ARMCX4: variants seen among roughly 807,000 people sequenced by gnomAD.
The protein encoded by ARMCX4 is armadillo repeat-containing X-linked protein 4.
ARMCX4 carries 3 observed loss-of-function variants against 34.7 expected under a neutral mutation model. The observed-to-expected ratio is 0.09, with a 90% CI of 0.04 to 0.22. The LOEUF (loss-of-function observed/expected upper bound fraction) is 0.22, where lower values mean the gene tolerates loss of function less well. Among genes scored for constraint, ARMCX4 ranks in the 10% least tolerant of loss-of-function variants. The probability of loss-of-function intolerance (pLI) is 1.00; values close to 1 mark genes in which losing one functional copy is unlikely to be tolerated. For missense variants in ARMCX4, 1,448 were observed against 1,720.8 expected, an observed-to-expected ratio of 0.84 and a Z score of 2.81; for synonymous variants, 513 against 632.8, an observed-to-expected ratio of 0.81 and a Z score of 2.84.
downstream of ARMCX4, among the ~76,000 whole-genome samples, chrX:101,500,207 T>G (rs782681410): frequency 9.0e-6 from 1 of 110,994 alleles, no homozygotes; most frequent in South Asian, 3.9e-4. Flanking sequence ...CTGGCCTAGG[T>G]AGGGTTCACA....
At chrX:101,499,699 T>C (rs1333045813), downstream of ARMCX4, among the ~76,000 whole-genome samples, 2 of 112,009 alleles carry the variant, frequency 1.8e-5, no homozygotes, top group Non-Finnish European at 3.8e-5. Context: ...TGGGGAGGCC[T>C]GACCTGCAGA....
chrX:101,509,944 T>TTA (rs1934539258), intron 10 of ARMCX4, among the ~76,000 whole-genome samples: 1 of 111,837 alleles, frequency 8.9e-6, no homozygotes, highest in Non-Finnish European at 1.9e-5. Context: ...CAGTTCTTTT[T>TTA]TATATATTTA....
chrX:101,487,800 C>T, intron 4 of ARMCX4, 109 bp downstream of exon 4: 1 of 336,757 alleles, frequency 3.0e-6, no homozygotes, highest in South Asian at 3.3e-5. Context: ...TCCTCAGTCT[C>T]TCCTTTTCCA....
chrX:101,493,010 C>T lies in ARMCX4; in HGVS notation c.4421C>T (p.Ser1474Phe), dbSNP rs1934043157. 1 of 1,154,495 alleles carries T rather than the reference C, an allele frequency of 8.7e-7. No homozygotes were observed. Among genetic ancestry groups the T allele is most frequent in the East Asian group, 3.3e-5 (1 of 30,680 alleles). Residue 1474 changes from serine (S) to phenylalanine (F), a missense_variant, in exon 6 of 6, where the codon TCC becomes TTC. Physicochemically the swap from Ser to Phe is radical, Grantham distance 155. This residue lies in a region of ARMCX4 where 1,343 missense variants were observed against 1,540.7 expected (regional missense o/e 0.87). Coordinates refer to ENST00000423738, the MANE Select transcript of ARMCX4 (RefSeq NM_001256155.3). Reference sequence around the variant, plus strand: ...GAGGATCAGGTCAGTGGCAGAGGGTCCTGGGCTGATGCCAGGGAGCAGGTT... The same window carrying T: ...GAGGATCAGGTCAGTGGCAGAGGGTTCTGGGCTGATGCCAGGGAGCAGGTT... ...IFEDQVSGRG[S>F]WADAREQVVG...
intron 2 of ARMCX4, among the ~76,000 whole-genome samples, chrX:101,422,577 T>C (rs1371375554): frequency 1.8e-5 from 2 of 111,147 alleles, no homozygotes; most frequent in African/African-American, 6.6e-5. Context: ...CAGGAGCAAT[T>C]TGGGGAGGTT....
At chrX:101,421,031 G>A (rs1054684501) in intron 2 of ARMCX4, among the ~76,000 whole-genome samples, 9 of 109,442 alleles carry the variant, frequency 8.2e-5, no homozygotes, top group East Asian at 2.8e-4. Flanking sequence ...GTGAAACCCC[G>A]TCTCTACTAA....
At position 101,526,377 on chromosome X, in the gene ARMCX4, A is replaced by T. The variant is rs376495112; in HGVS notation, c.*1781-5267A>T. Among the ~76,000 whole-genome samples, 12 of 112,035 alleles carry T rather than the reference A, an allele frequency of 1.1e-4. No individual in the cohort carries two copies. In the Admixed American group the frequency reaches 1.1e-3, roughly 11 times the overall value. On this transcript the variant is annotated intron_variant and NMD_transcript_variant, in intron 11 of 12. Coordinates refer to the ARMCX4 transcript ENST00000354842. ...ACAACCGGTACCAGCCACTGCAAAA[A>T]CATGCCAAATTGTAAAGACCATTGA...
At position 101,490,023 on chromosome X, in the gene ARMCX4, C is replaced by T; in HGVS notation, c.1434C>T (p.Ala478=). The change falls in exon 6 of 6, where the codon GCC becomes GCT. Residue 478 remains alanine, a synonymous_variant. Coordinates refer to ENST00000423738, the MANE Select transcript of ARMCX4 (RefSeq NM_001256155.3). The part of the protein sequence containing the change: ...MLSCTQPQLV[A]SVQADTLSDG... ...CCTGTACACAGCCTCAGCTTGTGGC[C>T]AGTGTTCAGGCTGATACCTTGTCTG... The T allele has an allele frequency of 8.7e-7, 1 of 1,155,841 alleles. No individual in the cohort carries two copies. The highest frequency in any genetic ancestry group is 1.1e-6 in the Non-Finnish European group (1 of 872,922).
At chrX:101,429,372 G>A (rs1294492978) in intron 2 of ARMCX4, among the ~76,000 whole-genome samples, 2 of 77,197 alleles carry the variant, frequency 2.6e-5, no homozygotes, top group Non-Finnish European at 4.6e-5. Flanking sequence ...TTTCGCTCTT[G>A]TCGTCCAGGC....
intron 3 of ARMCX4, among the ~76,000 whole-genome samples, chrX:101,444,468 C>A (rs1397170674): frequency 8.9e-6 from 1 of 112,378 alleles, no homozygotes; most frequent in Non-Finnish European, 1.9e-5. Context: ...TACCAAGAAT[C>A]CTATTAGACA....
At chrX:101,519,173 C>T (rs1036839278) in intron 11 of ARMCX4, among the ~76,000 whole-genome samples, 2 of 111,605 alleles carry the variant, frequency 1.8e-5, no homozygotes, top group African/African-American at 3.2e-5. Context: ...TAGAGTTTCA[C>T]ATCATTTTCC....
At chrX:101,443,868 C>T in intron 2 of ARMCX4, 1 of 371,254 alleles carries the variant, frequency 2.7e-6, no homozygotes. Flanking sequence ...TTGGGTCCAG[C>T]ATTTTCCATG....
chrX:101,494,084 GGGCTGA>G lies in ARMCX4; in HGVS notation c.5501_5506del (p.Glu1834_Ala1835del). 9 of 775,186 alleles carry G rather than the reference GGGCTGA, an allele frequency of 1.2e-5. No individual in the cohort carries two copies. In the South Asian group the frequency reaches 1.6e-4, roughly 13 times the overall value. The allele number at this position is 775,186 out of a possible 1,213,427, so 63.9% of individuals were successfully genotyped here. A position where few individuals can be genotyped will look rare whatever the true frequency, so the allele number is the denominator to read the frequency against. The stretch of plus-strand genomic sequence containing the variant: ...GGGGCTGGGGCTGGGGCTGAGGCTG[GGGCTGA>G]GGCTGGGGCTGGGGCTGGGGCTGGG... On this transcript the variant is annotated inframe_deletion, in exon 6 of 6. Transcript: ENST00000423738.
intron 2 of ARMCX4, among the ~76,000 whole-genome samples, chrX:101,433,722 C>T (rs1382973380): frequency 4.5e-5 from 5 of 110,701 alleles, no homozygotes; most frequent in African/African-American, 1.6e-4. Context: ...GGAGAAGTAT[C>T]GATTGAGTAC....
At chrX:101,452,439 T>C (rs1425390572), downstream of ARMCX4, among the ~76,000 whole-genome samples, 1 of 112,749 alleles carries the variant, frequency 8.9e-6, no homozygotes, top group Non-Finnish European at 1.9e-5. Flanking sequence ...AGAAATAGTA[T>C]TAAGTTATCA....
In ARMCX4 at chrX:101,491,333, A is replaced by T. The variant is rs782333484; in HGVS notation, c.2744A>T (p.Asn915Ile). 5 of 1,146,056 alleles carry T rather than the reference A, an allele frequency of 4.4e-6. No individual in the cohort carries two copies. Among genetic ancestry groups the T allele is most frequent in the Non-Finnish European group, 5.8e-6 (5 of 869,270 alleles). 94.4% of individuals were successfully genotyped at this position (1,146,056 alleles called of 1,213,427 possible). The change falls in exon 6 of 6, where the codon AAC becomes ATC. Residue 915 changes from asparagine to isoleucine, a missense_variant. Transcript: ENST00000423738. ...MGSAQPQVVANSQRETLPGAR... is the reference protein window; with the variant it reads ...MGSAQPQVVAISQRETLPGAR... Reference sequence around the variant, plus strand: ...TCTGCCCAGCCTCAGGTTGTGGCCAACTCCCAGCGTGAGACCTTGCCTGGT... The same window carrying T: ...TCTGCCCAGCCTCAGGTTGTGGCCATCTCCCAGCGTGAGACCTTGCCTGGT...
Position 101,492,695 on chromosome X carries a change from T to C in ARMCX4, c.4106T>C (p.Val1369Ala). Residue 1369 changes from valine (V) to alanine (A), a missense_variant, in exon 6 of 6, where the codon GTA (valine) becomes GCA (alanine). Physicochemically the swap from Val to Ala is moderately conservative, Grantham distance 64. Coordinates refer to ENST00000423738, the MANE Select transcript of ARMCX4 (RefSeq NM_001256155.3). ...QASGGSRLGH[V>A]DQSSGGAWAG... Reference sequence around the variant, plus strand: ...AGTGGAGGGTCTAGGCTGGGCCACGTAGATCAGTCCAGTGGTGGGGCCTGG... The same window carrying C: ...AGTGGAGGGTCTAGGCTGGGCCACGCAGATCAGTCCAGTGGTGGGGCCTGG... 8.9e-7 allele frequency: 1 copy of C among 1,122,947 alleles called. No individual in the cohort carries two copies. 92.5% of individuals were successfully genotyped at this position (1,122,947 alleles called of 1,213,427 possible). A position where few individuals can be genotyped will look rare whatever the true frequency, so the allele number is the denominator to read the frequency against.
chrX:101,442,201 G>A (rs999026513), intron 2 of ARMCX4, among the ~76,000 whole-genome samples: 8 of 112,221 alleles, frequency 7.1e-5, no homozygotes, highest in African/African-American at 1.3e-4. Context: ...GATTCCTAGC[G>A]CTGTCAGCAA....
At chrX:101,529,029 A>G (rs1935054397) in intron 11 of ARMCX4, among the ~76,000 whole-genome samples, 1 of 111,694 alleles carries the variant, frequency 9.0e-6, no homozygotes, top group African/African-American at 3.3e-5. Flanking sequence ...TTGCCAAGAC[A>G]ATCCTAATCA....
Sources: allele counts gnomAD v4.1 joint callset (sites outside exome capture counted in the v4.1 genomes callset), GRCh38; gene constraint gnomAD v4.1.1; regional missense constraint gnomAD v4.1.1; transcripts MANE v1.5; gene names NCBI Gene and HGNC (gene_info 2026-07-23, HGNC 2026-07-21).